The following VPS13B variants were observed in gnomAD, a reference collection of about 807,000 sequenced individuals.
The protein encoded by VPS13B is vacuolar protein sorting 13 homolog B.
Under a neutral mutation model 426.4 loss-of-function variants are expected in VPS13B, and 285 were observed. The observed-to-expected ratio is 0.67, with a 90% CI of 0.61 to 0.74. VPS13B has a LOEUF of 0.74. Ranked by LOEUF, VPS13B falls within the 30% of genes least tolerant of loss-of-function variation. The pLI, the probability that VPS13B is intolerant of heterozygous loss-of-function variation, is 0.00. For synonymous variants in VPS13B, 1,676 were observed against 1,676.4 expected (o/e 1.00, Z 0.01); for missense variants, 4,537 against 4,782.6 (o/e 0.95, Z 1.51).
chr8:99,528,988 TA>T (rs1822786001), intron 30 of VPS13B, among the ~76,000 whole-genome samples: 1 of 152,072 alleles, frequency 6.6e-6, no homozygotes, highest in Admixed American at 6.6e-5. Context: ...ATTATGAAAT[TA>T]AAATAAGAAA....
chr8:99,300,440 C>T (rs1205984839), intron 19 of VPS13B, among the ~76,000 whole-genome samples: 1 of 152,160 alleles, frequency 6.6e-6, no homozygotes, highest in African/African-American at 2.4e-5. Context: ...GCAATTGCAA[C>T]ATGGTAACAT....
intron 19 of VPS13B, among the ~76,000 whole-genome samples, chr8:99,310,747 G>A (rs1026920596): frequency 2.0e-5 from 3 of 152,166 alleles, no homozygotes; most frequent in African/African-American, 4.8e-5. Context: ...GATTGGAATA[G>A]TTTCAGAAGG....
chr8:99,056,016 C>T (rs547650205), intron 3 of VPS13B, among the ~76,000 whole-genome samples: 44 of 149,964 alleles, frequency 2.9e-4, no homozygotes, highest in African/African-American at 1.1e-3. Flanking sequence ...GCTGGGATTA[C>T]GGGTATGAGC....
chr8:99,314,331 G>T (rs1322995224), intron 19 of VPS13B, among the ~76,000 whole-genome samples: 1 of 152,026 alleles, frequency 6.6e-6, no homozygotes, highest in Non-Finnish European at 1.5e-5. Flanking sequence ...CTTGTTTTGT[G>T]TCATAACATG....
At chr8:99,259,832 A>G (rs1224005841) in intron 17 of VPS13B, among the ~76,000 whole-genome samples, 1 of 152,130 alleles carries the variant, frequency 6.6e-6, no homozygotes, top group African/African-American at 2.4e-5. Context: ...GCCTTATGAA[A>G]TGTAAACTCA....
chr8:99,483,269 C>G (rs375291208), intron 25 of VPS13B, among the ~76,000 whole-genome samples: 1 of 152,064 alleles, frequency 6.6e-6, no homozygotes. Context: ...TAAGATTATT[C>G]TTTCTCTTTT....
chr8:99,088,797 A>G (rs1845983586), intron 3 of VPS13B, among the ~76,000 whole-genome samples: 1 of 152,182 alleles, frequency 6.6e-6, no homozygotes, highest in Non-Finnish European at 1.5e-5. Context: ...CATTTGCCCT[A>G]GTTTCTTTTT....
chr8:99,835,531 A>C lies in VPS13B; in HGVS notation c.9743-8A>C, dbSNP rs753570285. ...CTAATTCTGCATATGCCTTTTTTAA[A>C]ATTTCAGATATTCCAAAGTTTGAGG... On this transcript the variant is annotated splice_polypyrimidine_tract_variant and splice_region_variant and intron_variant, in intron 53 of 61. Coordinates refer to ENST00000357162, the MANE Select transcript of VPS13B (RefSeq NM_152564.5). The C allele has an allele frequency of 3.1e-6, 5 of 1,613,924 alleles. No individual in the cohort carries two copies. Among genetic ancestry groups the C allele is most frequent in the Non-Finnish European group, 4.2e-6 (5 of 1,179,914 alleles).
intron 30 of VPS13B, among the ~76,000 whole-genome samples, chr8:99,555,013 A>C (rs897855214): frequency 1.3e-5 from 2 of 152,140 alleles, no homozygotes; most frequent in African/African-American, 4.8e-5. Flanking sequence ...AATTATCCTC[A>C]GTTTCTCTGG....
chr8:99,847,500 A>T (rs1453448146), intron 54 of VPS13B, among the ~76,000 whole-genome samples: 1 of 152,210 alleles, frequency 6.6e-6, no homozygotes, highest in African/African-American at 2.4e-5. Context: ...GAAAGGACTT[A>T]TATGGAGAAA....
At chr8:99,300,856 G>GA (rs1820319701) in intron 19 of VPS13B, among the ~76,000 whole-genome samples, 1 of 147,528 alleles carries the variant, frequency 6.8e-6, no homozygotes. Flanking sequence ...GTGTTATTGG[G>GA]AAAAAATCAG....
chr8:99,402,235 C>G (rs1040386754), intron 21 of VPS13B, among the ~76,000 whole-genome samples: 1 of 152,112 alleles, frequency 6.6e-6, no homozygotes, highest in African/African-American at 2.4e-5. Context: ...ACAATAGAAG[C>G]CTAGGATTCA....
At chr8:99,769,788 CT>C (rs1355818089) in intron 40 of VPS13B, among the ~76,000 whole-genome samples, 1 of 152,104 alleles carries the variant, frequency 6.6e-6, no homozygotes, top group Non-Finnish European at 1.5e-5. Flanking sequence ...TAAACTGAGA[CT>C]TTAAGGAATG....
intron 19 of VPS13B, among the ~76,000 whole-genome samples, chr8:99,321,173 G>A (rs546441756): frequency 1.3e-5 from 2 of 150,850 alleles, no homozygotes; most frequent in African/African-American, 4.9e-5. Context: ...GAAGCTGACG[G>A]TATTTTTACT....
At chr8:99,296,618 C>G (rs1451981674) in intron 19 of VPS13B, among the ~76,000 whole-genome samples, 1 of 152,152 alleles carries the variant, frequency 6.6e-6, no homozygotes, top group Non-Finnish European at 1.5e-5. Flanking sequence ...CTGAATGTGT[C>G]TCCTAAAATT....
chr8:99,740,198 C>T (rs1016734878), intron 39 of VPS13B, among the ~76,000 whole-genome samples: 1 of 151,998 alleles, frequency 6.6e-6, no homozygotes, highest in Non-Finnish European at 1.5e-5. Context: ...GTAGCTGATT[C>T]GATCAACTGG....
intron 17 of VPS13B, among the ~76,000 whole-genome samples, chr8:99,261,916 T>A (rs1328728798): frequency 2.6e-5 from 4 of 152,172 alleles, no homozygotes; most frequent in Non-Finnish European, 5.9e-5. Context: ...TTGCTTTAAA[T>A]TGAGGCATTT....
At chr8:99,555,564 C>G (rs1272477749) in intron 30 of VPS13B, among the ~76,000 whole-genome samples, 1 of 152,004 alleles carries the variant, frequency 6.6e-6, no homozygotes, top group Admixed American at 6.6e-5. Flanking sequence ...TTTTGATCAT[C>G]TACTTTAAAA....
intron 3 of VPS13B, among the ~76,000 whole-genome samples, chr8:99,060,095 GAA>G (rs1844099514): frequency 1.3e-5 from 2 of 151,988 alleles, no homozygotes; most frequent in Non-Finnish European, 2.9e-5. Context: ...TATTGAAAAA[GAA>G]GTAAAAAAAC....
Sources: allele counts gnomAD v4.1 joint callset (sites outside exome capture counted in the v4.1 genomes callset), GRCh38; gene constraint gnomAD v4.1.1; transcripts MANE v1.5; gene names NCBI Gene and HGNC (gene_info 2026-07-23, HGNC 2026-07-21).